Variants in RASGRF2 observed in about 807,000 individuals in gnomAD.
RASGRF2 encodes the protein ras-specific guanine nucleotide-releasing factor 2.
Under a neutral mutation model 151.0 loss-of-function variants are expected in RASGRF2, and 76 were observed. The ratio of observed to expected loss-of-function variants is 0.50; its 90% CI spans 0.42 to 0.61. RASGRF2 has a LOEUF of 0.61. RASGRF2 is among the 20% of genes least tolerant of loss of function. The pLI is 0.00. For synonymous variants in RASGRF2, 504 were observed against 566.5 expected (o/e 0.89, Z 1.57); for missense variants, 1,148 against 1,564.6 (o/e 0.73, Z 4.49).
intron 17 of RASGRF2, among the ~76,000 whole-genome samples, chr5:81,174,651 G>A (rs1028481472): frequency 2.0e-5 from 3 of 152,234 alleles, no homozygotes; most frequent in African/African-American, 7.2e-5. Flanking sequence ...CATAGTGCTA[G>A]TAATCAGATT....
At chr5:81,175,095 G>A (rs1754744566) in intron 17 of RASGRF2, among the ~76,000 whole-genome samples, 1 of 152,214 alleles carries the variant, frequency 6.6e-6, no homozygotes, top group South Asian at 2.1e-4. Flanking sequence ...ACACTTCTTA[G>A]TTCTGTGACC....
intron 1 of RASGRF2, among the ~76,000 whole-genome samples, chr5:81,001,359 C>T (rs764095091): frequency 1.3e-5 from 2 of 152,134 alleles, no homozygotes; most frequent in Non-Finnish European, 2.9e-5. Flanking sequence ...AGTTTGAGTT[C>T]ACAACAGGCC....
intron 1 of RASGRF2, among the ~76,000 whole-genome samples, chr5:81,005,196 CTGGGCAATT>C (rs1295444045): frequency 6.6e-6 from 1 of 152,258 alleles, no homozygotes; most frequent in Admixed American, 6.5e-5. Context: ...ATACCTGAGA[CTGGGCAATT>C]TAGAAGGGAA....
intron 13 of RASGRF2, among the ~76,000 whole-genome samples, chr5:81,109,295 G>T (rs549287842): frequency 6.6e-6 from 1 of 152,148 alleles, no homozygotes; most frequent in Non-Finnish European, 1.5e-5. Flanking sequence ...TAGAAAAATT[G>T]TTTTTTATAC....
intron 23 of RASGRF2, 109 bp downstream of exon 23, chr5:81,212,672 T>C: frequency 9.2e-7 from 1 of 1,091,932 alleles, no homozygotes; most frequent in South Asian, 1.7e-5. Flanking sequence ...AATGAGCCGC[T>C]CAGTTGCCAA....
rs570805668 is a variant in RASGRF2 at position 81,046,526 on chromosome 5, CAT to C, written c.395+3544_395+3545del. On this transcript the variant is annotated intron_variant, in intron 2 of 26. Coordinates refer to ENST00000265080, the MANE Select transcript of RASGRF2 (RefSeq NM_006909.3). ...GCACATTTAGGATATCATTTTACCACATGTTATGGCACTAGTTCAGGGGACGC... is the reference window on the plus strand; with the variant it reads ...GCACATTTAGGATATCATTTTACCACGTTATGGCACTAGTTCAGGGGACGC... Among the ~76,000 whole-genome samples the C allele has an allele frequency of 1.7e-3, 257 of 152,244 alleles. 1 individual carries two copies. The highest frequency in any genetic ancestry group is 2.9e-3 in the Admixed American group (44 of 15,284).
intron 17 of RASGRF2, among the ~76,000 whole-genome samples, chr5:81,170,650 T>G (rs2112658335): frequency 6.6e-6 from 1 of 152,312 alleles, no homozygotes; most frequent in Non-Finnish European, 1.5e-5. Flanking sequence ...TGTTTCTCCT[T>G]AGAAAGGCCT....
chr5:80,969,812 CTTCTTTTT>C (rs1747865111), intron 1 of RASGRF2, among the ~76,000 whole-genome samples: 2 of 98,914 alleles, frequency 2.0e-5, no homozygotes, highest in African/African-American at 8.8e-5. Flanking sequence ...AATACTTCTT[CTTCTTTTT>C]TTTTTTTTTT....
chr5:81,145,430 T>A (rs1320825589), intron 17 of RASGRF2, among the ~76,000 whole-genome samples: 1 of 152,192 alleles, frequency 6.6e-6, no homozygotes, highest in Non-Finnish European at 1.5e-5. Flanking sequence ...ACAAATTCTT[T>A]TCTACTTCTC....
At chr5:81,047,370 T>C (rs1561576381) in intron 2 of RASGRF2, among the ~76,000 whole-genome samples, 1 of 152,150 alleles carries the variant, frequency 6.6e-6, no homozygotes, top group African/African-American at 2.4e-5. Flanking sequence ...AAAACAGATA[T>C]TGAGAATGTT....
chr5:81,087,078 C>A, intron 9 of RASGRF2, 125 bp downstream of exon 9: 1 of 886,004 alleles, frequency 1.1e-6, no homozygotes, highest in Non-Finnish European at 1.9e-6. Flanking sequence ...CCCCCCACGG[C>A]CTTCGCCGAG....
chr5:81,102,073 G>T (rs1002927712), intron 12 of RASGRF2, among the ~76,000 whole-genome samples: 1 of 152,128 alleles, frequency 6.6e-6, no homozygotes, highest in African/African-American at 2.4e-5. Context: ...TAATGCGTAG[G>T]TATATTTATA....
chr5:81,124,036 G>C (rs998827814), intron 16 of RASGRF2, among the ~76,000 whole-genome samples: 1 of 152,016 alleles, frequency 6.6e-6, no homozygotes, highest in African/African-American at 2.4e-5. Context: ...TTTTTTTCTT[G>C]TCATTATTCC....
At chr5:81,166,587 G>A (rs554039849) in intron 17 of RASGRF2, among the ~76,000 whole-genome samples, 3 of 152,124 alleles carry the variant, frequency 2.0e-5, no homozygotes, top group African/African-American at 7.2e-5. Context: ...TGTCACATGT[G>A]AGGGAGTGGC....
At chr5:81,163,138 G>T (rs921592691) in intron 17 of RASGRF2, among the ~76,000 whole-genome samples, 6 of 152,226 alleles carry the variant, frequency 3.9e-5, no homozygotes, top group Non-Finnish European at 7.4e-5. Flanking sequence ...TCCACACCTG[G>T]AGGCTGCCAC....
intron 1 of RASGRF2, among the ~76,000 whole-genome samples, chr5:81,009,299 C>T (rs1275703545): frequency 6.6e-6 from 1 of 152,214 alleles, no homozygotes; most frequent in Admixed American, 6.5e-5. Context: ...TCATCATATA[C>T]TGCCCAGGTT....
intron 1 of RASGRF2, among the ~76,000 whole-genome samples, chr5:80,981,241 C>T (rs1252654346): frequency 6.6e-6 from 1 of 152,114 alleles, no homozygotes; most frequent in Non-Finnish European, 1.5e-5. Flanking sequence ...TCCAAGTTTT[C>T]CAGGACACTC....
intron 1 of RASGRF2, among the ~76,000 whole-genome samples, chr5:81,023,490 G>A (rs1328494646): frequency 6.6e-6 from 1 of 152,274 alleles, no homozygotes; most frequent in East Asian, 1.9e-4. Context: ...TCTTATCAGA[G>A]TGAGACTAGA....
intron 26 of RASGRF2, among the ~76,000 whole-genome samples, chr5:81,222,076 G>C (rs1218724323): frequency 6.6e-6 from 1 of 152,164 alleles, no homozygotes; most frequent in Non-Finnish European, 1.5e-5. Flanking sequence ...AAAAGCTCTA[G>C]TTCCTTTTTT....
Sources: gnomAD v4.1 joint callset for allele counts (sites outside exome capture counted in the v4.1 genomes callset) on GRCh38, gnomAD v4.1.1 for gene constraint, MANE v1.5 for transcripts, NCBI Gene and HGNC (gene_info 2026-07-23, HGNC 2026-07-21) for gene names.